Variants in HCRTR2 observed in about 807,000 individuals in gnomAD.
HCRTR2 encodes orexin receptor type 2.
Under a neutral mutation model 49.0 loss-of-function variants are expected in HCRTR2, and 22 were observed. The ratio of observed to expected loss-of-function variants is 0.45; its 90% CI spans 0.32 to 0.64. The LOEUF is 0.64. Ranked by LOEUF, HCRTR2 falls within the 30% of genes least tolerant of loss-of-function variation. The probability of loss-of-function intolerance (pLI) is 0.04; values close to 1 mark genes in which losing one functional copy is unlikely to be tolerated. For missense variants in HCRTR2, 491 were observed against 559.4 expected (o/e 0.88, Z 1.23); for synonymous variants, 236 against 205.3 (o/e 1.15, Z -1.28).
intron 1 of HCRTR2, among the ~76,000 whole-genome samples, chr6:55,158,774 G>A (rs960983533): frequency 4.6e-5 from 7 of 152,166 alleles, no homozygotes; most frequent in Admixed American, 4.6e-4. Context: ...GTCTGGGCAG[G>A]GCTTCTCTGA....
intron 1 of HCRTR2, among the ~76,000 whole-genome samples, chr6:55,210,808 T>G (rs1765682914): frequency 6.6e-6 from 1 of 152,134 alleles, no homozygotes; most frequent in Admixed American, 6.6e-5. Context: ...CAATAAACGA[T>G]TTTGTTGGGT....
chr6:55,255,219 T>C lies in HCRTR2; in HGVS notation c.486T>C (p.Phe162=). ...RWYAICHPLM[F]KSTAKRARNS... The stretch of plus-strand genomic sequence containing the variant: ...ATGCAATCTGTCACCCTTTGATGTT[T>C]AAGAGCACAGCAAAGCGGGCCCGTA... Residue 162 remains phenylalanine, a synonymous_variant, in exon 3 of 7, where the codon TTT becomes TTC. Transcript: ENST00000370862. 6.2e-7 allele frequency: 1 copy of C among 1,614,072 alleles called. No individual in the cohort carries two copies.
chr6:55,177,405 C>T (rs906785299), intron 1 of HCRTR2, among the ~76,000 whole-genome samples: 2 of 152,182 alleles, frequency 1.3e-5, no homozygotes, highest in African/African-American at 4.8e-5. Context: ...TTTGATGTCA[C>T]TGTCAAATTT....
At chr6:55,263,161 T>C (rs1562026340) in intron 3 of HCRTR2, among the ~76,000 whole-genome samples, 1 of 152,078 alleles carries the variant, frequency 6.6e-6, no homozygotes, top group Non-Finnish European at 1.5e-5. Flanking sequence ...GTCAAATTTG[T>C]ATTGTATTTA....
chr6:55,251,216 C>T (rs1394053510), intron 2 of HCRTR2, among the ~76,000 whole-genome samples: 1 of 152,068 alleles, frequency 6.6e-6, no homozygotes, highest in East Asian at 1.9e-4. Context: ...TATTTGGTTG[C>T]ATTTTAGATT....
At chr6:55,113,210 T>C (rs1256568445) in intron 1 of HCRTR2, among the ~76,000 whole-genome samples, 15 of 152,052 alleles carry the variant, frequency 9.9e-5, no homozygotes. Context: ...CTTCTAGACA[T>C]TGGCTTAGGC....
intron 2 of HCRTR2, 121 bp from the exon 3 acceptor site, chr6:55,255,015 T>C: frequency 9.4e-7 from 1 of 1,066,096 alleles, no homozygotes; most frequent in South Asian, 1.4e-5. Context: ...GGATTGTTTA[T>C]TTTTGGCAGC....
intron 1 of HCRTR2, among the ~76,000 whole-genome samples, chr6:55,197,513 C>G (rs1765438701): frequency 6.6e-6 from 1 of 152,144 alleles, no homozygotes; most frequent in African/African-American, 2.4e-5. Flanking sequence ...AAACCTATGT[C>G]TAACACGACC....
At chr6:55,133,188 AT>A (rs571177525) in intron 1 of HCRTR2, among the ~76,000 whole-genome samples, 2 of 151,536 alleles carry the variant, frequency 1.3e-5, no homozygotes, top group Non-Finnish European at 3.0e-5. Flanking sequence ...TTTAGAGTAA[AT>A]TTTTTTTACC....
chr6:55,267,531 C>A (rs1243830491), intron 4 of HCRTR2, among the ~76,000 whole-genome samples: 1 of 146,588 alleles, frequency 6.8e-6, no homozygotes, highest in Non-Finnish European at 1.5e-5. Flanking sequence ...AGCATTTTTT[C>A]TAGTTCAGAC....
chr6:55,258,249 T>G (rs1007668689), intron 3 of HCRTR2, among the ~76,000 whole-genome samples: 3 of 152,184 alleles, frequency 2.0e-5, no homozygotes, highest in African/African-American at 7.2e-5. Context: ...CTGTGTTTCT[T>G]ATCTTTATTC....
chr6:55,172,968 T>C (rs1345054147), upstream of HCRTR2, among the ~76,000 whole-genome samples: 2 of 152,200 alleles, frequency 1.3e-5, no homozygotes, highest in South Asian at 2.1e-4. Context: ...ATATTATTGT[T>C]ACTTCCTCCC....
At chr6:55,188,139 A>G (rs1028335719) in intron 1 of HCRTR2, among the ~76,000 whole-genome samples, 2 of 152,174 alleles carry the variant, frequency 1.3e-5, no homozygotes, top group Non-Finnish European at 2.9e-5. Flanking sequence ...CAGCTATGCT[A>G]GTCTGCGTAG....
At chr6:55,111,552 G>T (rs1244927089) in intron 1 of HCRTR2, among the ~76,000 whole-genome samples, 1 of 151,980 alleles carries the variant, frequency 6.6e-6, no homozygotes, top group Admixed American at 6.6e-5. Context: ...AAACCTAGAG[G>T]AGATGGATAA....
At chr6:55,174,894 C>T (rs995475147) in intron 1 of HCRTR2, 84 bp downstream of exon 1, 3 of 1,044,968 alleles carry the variant, frequency 2.9e-6, no homozygotes, top group African/African-American at 3.1e-5. Flanking sequence ...AGACCCCTCC[C>T]TCCCCCGGGA....
intron 1 of HCRTR2, among the ~76,000 whole-genome samples, chr6:55,176,119 T>C (rs1000697554): frequency 5.3e-5 from 8 of 152,184 alleles, no homozygotes; most frequent in Non-Finnish European, 7.4e-5. Flanking sequence ...TGTGTTGGTC[T>C]GGGTAGAAAT....
chr6:55,238,566 A>C (rs1372215108), intron 1 of HCRTR2, among the ~76,000 whole-genome samples: 1 of 152,168 alleles, frequency 6.6e-6, no homozygotes, highest in Non-Finnish European at 1.5e-5. Context: ...ACACAGAAAC[A>C]CACACACACG....
At chr6:55,190,466 T>A (rs1254917256) in intron 1 of HCRTR2, among the ~76,000 whole-genome samples, 1 of 152,156 alleles carries the variant, frequency 6.6e-6, no homozygotes, top group East Asian at 1.9e-4. Flanking sequence ...CTAAATTTGA[T>A]ATAGTACAGG....
At chr6:55,172,336 T>C (rs1368448128), upstream of HCRTR2, among the ~76,000 whole-genome samples, 2 of 152,200 alleles carry the variant, frequency 1.3e-5, no homozygotes, top group African/African-American at 2.4e-5. Context: ...GTTTGCATTA[T>C]AGCATCTATC....
Sources: allele counts gnomAD v4.1 joint callset (sites outside exome capture counted in the v4.1 genomes callset), GRCh38; gene constraint gnomAD v4.1.1; transcripts MANE v1.5; gene names NCBI Gene and HGNC (gene_info 2026-07-23, HGNC 2026-07-21).